The following PTBP3 variants were observed in gnomAD, a reference collection of about 807,000 sequenced individuals.
PTBP3 encodes polypyrimidine tract-binding protein 3.
In PTBP3, 20 loss-of-function variants were observed where a neutral mutation model predicts 58.7. That is an observed-to-expected ratio of 0.34 (90% CI 0.24 to 0.50). The LOEUF (loss-of-function observed/expected upper bound fraction) is 0.50, where lower values mean the gene tolerates loss of function less well. PTBP3 is among the 20% of genes least tolerant of loss of function. The pLI is 0.98. For synonymous variants in PTBP3, 185 were observed against 219.8 expected (o/e 0.84, Z 1.40); for missense variants, 509 against 637.2 (o/e 0.80, Z 2.17).
chr9:112,346,084 T>C, the PTBP3 span, among the ~76,000 whole-genome samples: 1 of 152,084 alleles, frequency 6.6e-6, no homozygotes, highest in Non-Finnish European at 1.5e-5. Flanking sequence ...CCTCAGGTAA[T>C]CCACCCTTTT....
At chr9:112,227,889 G>T (rs1564387839) in intron 11 of PTBP3, among the ~76,000 whole-genome samples, 1 of 152,128 alleles carries the variant, frequency 6.6e-6, no homozygotes, top group East Asian at 1.9e-4. Flanking sequence ...CTGGAACATA[G>T]TAAGTATTCA....
Position 112,281,177 on chromosome 9 carries a change from G to C in PTBP3, c.35-5164C>G, listed in dbSNP as rs137856073. 5.5e-3 allele frequency: 990 copies of C among 181,292 alleles called. 6 individuals are homozygous for C. Among genetic ancestry groups the C allele is most frequent in the Non-Finnish European group, 9.1e-3 (755 of 83,388 alleles). The allele number at this position is 181,292 out of a possible 1,614,324, so 11.2% of individuals were successfully genotyped here. The stretch of plus-strand genomic sequence containing the variant: ...ATTAATGCATAATCTCTATCATTTA[G>C]AATTACTTTAGTCCTCCACATTTTG... On this transcript the variant is annotated intron_variant, in intron 2 of 13. Transcript: ENST00000374257.
the PTBP3 span, among the ~76,000 whole-genome samples, chr9:112,351,075 G>A: frequency 2.6e-5 from 4 of 152,150 alleles, no homozygotes; most frequent in African/African-American, 2.4e-5. Context: ...ATGAGCCACC[G>A]TGCCTGGCCC....
chr9:112,286,397 C>T (rs892142661), intron 2 of PTBP3, among the ~76,000 whole-genome samples: 10 of 151,754 alleles, frequency 6.6e-5, no homozygotes, highest in African/African-American at 2.2e-4. Context: ...TTCCCGGCTT[C>T]CTTTGGATTT....
intron 2 of PTBP3, among the ~76,000 whole-genome samples, chr9:112,289,418 CA>C (rs796625644): frequency 7.6e-5 from 11 of 145,520 alleles, no homozygotes; most frequent in East Asian, 2.0e-4. Context: ...TTCAAGAAGA[CA>C]AAAAAAAAAC....
intron 1 of PTBP3, among the ~76,000 whole-genome samples, chr9:112,331,717 G>C (rs1464787356): frequency 6.6e-6 from 1 of 152,160 alleles, no homozygotes; most frequent in African/African-American, 2.4e-5. Flanking sequence ...GTCAGTATCT[G>C]TATAACTGCC....
intron 7 of PTBP3, among the ~76,000 whole-genome samples, chr9:112,238,369 T>A (rs962630263): frequency 6.6e-6 from 1 of 151,602 alleles, no homozygotes; most frequent in Non-Finnish European, 1.5e-5. Flanking sequence ...ATCAGTGAAC[T>A]GAAAGTTAGG....
Position 112,218,915 on chromosome 9 carries a change from C to T in PTBP3, c.*4936G>A, listed in dbSNP as rs1194176048. ...AAAAGGGGAATTTTGATGAACAGACCACGTAAAACACCAGACAATGTCAGA... is the reference window on the plus strand; with the variant it reads ...AAAAGGGGAATTTTGATGAACAGACTACGTAAAACACCAGACAATGTCAGA... On this transcript the variant is annotated 3_prime_UTR_variant, in exon 14 of 14. Transcript: ENST00000374257. 1.3e-5 allele frequency: 2 copies of T among 152,204 alleles called. No homozygotes were observed. Among genetic ancestry groups the T allele is most frequent in the African/African-American group, 4.8e-5 (2 of 41,378 alleles). The allele number at this position is 152,204 out of a possible 1,614,324, so 9.4% of individuals were successfully genotyped here.
chr9:112,265,938 A>C (rs1836782539), intron 4 of PTBP3, among the ~76,000 whole-genome samples: 1 of 152,252 alleles, frequency 6.6e-6, no homozygotes, highest in Non-Finnish European at 1.5e-5. Flanking sequence ...AAGTATTAGA[A>C]GAAAACATAT....
chr9:112,273,401 CTG>C (rs1827470829), intron 3 of PTBP3, among the ~76,000 whole-genome samples: 1 of 152,184 alleles, frequency 6.6e-6, no homozygotes, highest in African/African-American at 2.4e-5. Context: ...TTGTTTCTAA[CTG>C]TTTTTAAATC....
chr9:112,346,190 C>T, the PTBP3 span, among the ~76,000 whole-genome samples: 2 of 150,676 alleles, frequency 1.3e-5, no homozygotes, highest in Non-Finnish European at 2.9e-5. Flanking sequence ...TTTTCTGAAA[C>T]GAAGTCTTGC....
the PTBP3 span, among the ~76,000 whole-genome samples, chr9:112,368,742 A>T: frequency 6.6e-6 from 1 of 152,190 alleles, no homozygotes; most frequent in African/African-American, 2.4e-5. Context: ...ACCTCTGTGA[A>T]CTTAGCCAAT....
rs151276622 is a variant in PTBP3, at chr9:112,243,436, G to A, written c.802+7493C>T. On this transcript the variant is annotated intron_variant, in intron 7 of 13. Coordinates refer to ENST00000374257, the MANE Select transcript of PTBP3 (RefSeq NM_001163788.4). ...AGGCACCTGTAATCCCAGCTACTCAGGAGGCCGAGGCATGAGAATTGCTTG... is the reference window on the plus strand; with the variant it reads ...AGGCACCTGTAATCCCAGCTACTCAAGAGGCCGAGGCATGAGAATTGCTTG... 2.4e-3 allele frequency among the ~76,000 whole-genome samples: 365 copies of A among 152,246 alleles called. 1 individual carries two copies. The highest frequency in any genetic ancestry group is 8.4e-3 in the African/African-American group (350 of 41,530).
the PTBP3 span, among the ~76,000 whole-genome samples, chr9:112,358,513 G>A: frequency 6.6e-6 from 1 of 152,224 alleles, no homozygotes; most frequent in African/African-American, 2.4e-5. Flanking sequence ...GGTATTAAGT[G>A]TGTATATCCT....
intron 1 of PTBP3, among the ~76,000 whole-genome samples, chr9:112,309,506 C>A (rs1291646167): frequency 6.6e-6 from 1 of 151,958 alleles, no homozygotes; most frequent in Non-Finnish European, 1.5e-5. Flanking sequence ...AGTAACAGGC[C>A]GGGTGTGGTG....
chr9:112,255,427 G>A (rs976165642), intron 5 of PTBP3, among the ~76,000 whole-genome samples: 1 of 152,090 alleles, frequency 6.6e-6, no homozygotes, highest in African/African-American at 2.4e-5. Context: ...ATCAATGTAT[G>A]TATTATACAT....
At chr9:112,375,321 G>A in the PTBP3 span, among the ~76,000 whole-genome samples, 1 of 152,182 alleles carries the variant, frequency 6.6e-6, no homozygotes, top group African/African-American at 2.4e-5. Flanking sequence ...CCATGAATTA[G>A]TGTATAATCA....
intron 2 of PTBP3, among the ~76,000 whole-genome samples, chr9:112,286,471 C>T (rs1364128189): frequency 6.6e-6 from 1 of 151,714 alleles, no homozygotes; most frequent in Non-Finnish European, 1.5e-5. Flanking sequence ...TTTTAAGTGA[C>T]TCCTGTGGAG....
intron 5 of PTBP3, 139 bp downstream of exon 5, chr9:112,262,296 A>G (rs192006761): frequency 1.5e-6 from 1 of 687,544 alleles, no homozygotes; most frequent in East Asian, 3.5e-5. Context: ...AATTTCTATG[A>G]AATTAGATGA....
Sources: gnomAD v4.1 joint callset for allele counts (sites outside exome capture counted in the v4.1 genomes callset) on GRCh38, gnomAD v4.1.1 for gene constraint, MANE v1.5 for transcripts, NCBI Gene and HGNC (gene_info 2026-07-23, HGNC 2026-07-21) for gene names.